TTC13: variants seen among roughly 807,000 people sequenced by gnomAD.
TTC13 encodes the protein tetratricopeptide repeat domain 13, also known as tetratricopeptide repeat protein 13.
Under a neutral mutation model 120.0 loss-of-function variants are expected in TTC13, and 62 were observed. The observed-to-expected ratio is 0.52, with a 90% CI of 0.42 to 0.64. TTC13 has a LOEUF of 0.64. Ranked by LOEUF, TTC13 falls within the 30% of genes least tolerant of loss-of-function variation. The probability of loss-of-function intolerance (pLI) is 0.00; values close to 1 mark genes in which losing one functional copy is unlikely to be tolerated. For missense variants in TTC13, 824 were observed against 1,050.2 expected (o/e 0.78, Z 2.98); for synonymous variants, 384 against 393.5 (o/e 0.98, Z 0.28).
At position 230,916,237 on chromosome 1, in the gene TTC13, T is replaced by G. The variant is rs776597446; in HGVS notation, c.2049A>C (p.Gln683His). The part of the protein sequence containing the change: ...VNTKVPSLKD[Q>H]GKEYDGFTIT... ...TTGTGAATCCATCATATTCCTTCCC[T>G]TGGTCTTTAAGGCTGGGAACTTTTG... is the stretch of plus-strand genomic sequence containing the variant. Residue 683 changes from glutamine (Q) to histidine (H), a missense_variant, in exon 18 of 23, where the codon CAA (glutamine) becomes CAC (histidine). By Grantham distance (24) the Gln-to-His change is conservative. This residue lies in a region of TTC13 where 226 missense variants were observed against 259.1 expected (regional missense o/e 0.87). Transcript: ENST00000366661. 2 of 1,614,054 alleles carry G rather than the reference T, an allele frequency of 1.2e-6. No homozygotes were observed. Among genetic ancestry groups the G allele is most frequent in the African/African-American group, 2.7e-5 (2 of 74,936 alleles).
intron 14 of TTC13, 28 bp downstream of exon 14, chr1:230,924,813 A>C: frequency 6.2e-7 from 1 of 1,613,608 alleles, no homozygotes; most frequent in South Asian, 1.1e-5. Flanking sequence ...TAAGACTTAT[A>C]GTTTATTTTC....
At chr1:230,933,521 C>G (rs1199218755) in intron 9 of TTC13, among the ~76,000 whole-genome samples, 2 of 152,138 alleles carry the variant, frequency 1.3e-5, no homozygotes, top group African/African-American at 4.8e-5. Context: ...TCAAAACAAC[C>G]CTTGAAGGAT....
intron 5 of TTC13, 27 bp downstream of exon 5, chr1:230,945,362 T>G (rs1190937013): frequency 1.2e-6 from 2 of 1,606,306 alleles, no homozygotes; most frequent in African/African-American, 2.7e-5. Flanking sequence ...GTAGGCGCTA[T>G]GGCAATCGTA....
chr1:230,931,231 G>C (rs1351695878), intron 11 of TTC13, 67 bp downstream of exon 11: 12 of 1,536,542 alleles, frequency 7.8e-6, no homozygotes, highest in Non-Finnish European at 9.8e-6. Context: ...ACATAAAAGA[G>C]TCAAGCAATA....
chr1:230,946,899 T>C (rs1675053824), intron 4 of TTC13, among the ~76,000 whole-genome samples: 2 of 152,150 alleles, frequency 1.3e-5, no homozygotes, highest in South Asian at 4.1e-4. Flanking sequence ...GTTATAGACC[T>C]ACAGAAAGAT....
chr1:230,978,821 C>A lies in TTC13; in HGVS notation c.10G>T (p.Ala4Ser), dbSNP rs1463800590. The A allele has an allele frequency of 8.1e-6, 12 of 1,480,574 alleles. No homozygotes were observed. Among genetic ancestry groups the A allele is most frequent in the African/African-American group, 1.5e-5 (1 of 68,198 alleles). The allele number at this position is 1,480,574 out of a possible 1,614,324, so 91.7% of individuals were successfully genotyped here. The change falls in exon 1 of 23, where the codon GCC (alanine) becomes TCC (serine). Residue 4 changes from alanine (A) to serine (S), a missense_variant. Transcript: ENST00000366661. The surrounding 1 kb of genome is among the most constrained non-coding windows in gnomAD (Gnocchi z 5.6). MAP[A>S]GCCCCCCFWG... ...AAGCAGCAGCAGCAGCAGCAGCCGG[C>A]AGGTGCCATCTTCCCTCAAGGCGCA...
chr1:230,952,793 A>T (rs2102930159), intron 4 of TTC13, among the ~76,000 whole-genome samples: 1 of 152,356 alleles, frequency 6.6e-6, no homozygotes. Flanking sequence ...ATATATTCAG[A>T]TTATAAAACA....
chr1:230,912,894 C>A, intron 18 of TTC13, 136 bp from the exon 19 acceptor site: 1 of 768,386 alleles, frequency 1.3e-6, no homozygotes, highest in Non-Finnish European at 2.0e-6. Context: ...ACCTTTCTAA[C>A]TATAGACAAG....
chr1:230,920,356 T>C (rs750103621), intron 17 of TTC13, 154 bp downstream of exon 17: 1 of 501,420 alleles, frequency 2.0e-6, no homozygotes, highest in Non-Finnish European at 3.5e-6. Flanking sequence ...TTGAGTCTGA[T>C]GCCTGTAGGT....
intron 1 of TTC13, among the ~76,000 whole-genome samples, chr1:230,968,665 G>T (rs1026252421): frequency 3.9e-5 from 6 of 152,122 alleles, no homozygotes; most frequent in Admixed American, 2.6e-4. Context: ...CGGTCTAAAG[G>T]ATACAGCAAG....
chr1:230,978,750 C>A lies in TTC13; in HGVS notation c.81G>T (p.Leu27=). 6.7e-7 allele frequency: 1 copy of A among 1,497,580 alleles called. No homozygotes were observed. The highest frequency in any genetic ancestry group is 8.8e-7 in the Non-Finnish European group (1 of 1,132,016). The allele number at this position is 1,497,580 out of a possible 1,614,324, so 92.8% of individuals were successfully genotyped here. The change falls in exon 1 of 23, where the codon CTG becomes CTT. Residue 27 remains leucine (L), a synonymous_variant. Coordinates refer to ENST00000366661, the MANE Select transcript of TTC13 (RefSeq NM_024525.5). The surrounding 1 kb of genome is among the most constrained non-coding windows in gnomAD (Gnocchi z 5.6). ...ACAGGACCCCCAGCAGCAGCAGCAGCAGGACACGCCGGGCGGCGCCCGCGG... is the reference window on the plus strand; with the variant it reads ...ACAGGACCCCCAGCAGCAGCAGCAGAAGGACACGCCGGGCGGCGCCCGCGG... ...VAAAGAARRV[L]LLLLLGVLSA... is the part of the protein sequence containing the mutation.
At chr1:230,956,003 G>A (rs769736858) in intron 3 of TTC13, among the ~76,000 whole-genome samples, 10 of 152,162 alleles carry the variant, frequency 6.6e-5, no homozygotes, top group African/African-American at 9.6e-5. Context: ...GAATCACAGT[G>A]GCTACAGGCA....
intron 18 of TTC13, 151 bp from the exon 19 acceptor site, chr1:230,912,909 G>T (rs1671661467): frequency 2.8e-6 from 2 of 701,962 alleles, no homozygotes; most frequent in Non-Finnish European, 2.3e-6. Context: ...GACAAGCAAG[G>T]TAGGTTTCAT....
chr1:230,920,732 A>G, intron 16 of TTC13, 138 bp from the exon 17 acceptor site: 1 of 496,838 alleles, frequency 2.0e-6, no homozygotes, highest in South Asian at 3.4e-5. Flanking sequence ...CCACAAATAA[A>G]CCTTCCAAAT....
rs145072733 is a variant in TTC13, at chr1:230,959,587, G to A, written c.367-1288C>T. Among the ~76,000 whole-genome samples the A allele has an allele frequency of 1.1e-3, 169 of 152,278 alleles. 3 individuals are homozygous for A. In the East Asian group the frequency reaches 0.028, roughly 25 times the overall value. ...GTAGAGACGGGGTTTCTCCATGTTG[G>A]TGAGGCTGGTCTTGAACTCCTGACC... On this transcript the variant is annotated intron_variant, in intron 2 of 22. Coordinates refer to ENST00000366661, the MANE Select transcript of TTC13 (RefSeq NM_024525.5).
In TTC13 at chr1:230,939,371, G is replaced by A. The variant is rs751660266; in HGVS notation, c.900+15C>T. On this transcript the variant is annotated intron_variant, in intron 8 of 22. Transcript: ENST00000366661. ...CAGAGTCATCATATGGTACACATAT[G>A]CACAACACTTTCACCTTCAGAAGTC... The A allele has an allele frequency of 4.9e-5, 76 of 1,540,816 alleles. No individual in the cohort carries two copies. The highest frequency in any genetic ancestry group is 4.1e-5 in the African/African-American group (3 of 73,524).
At chr1:230,939,600 T>C (rs1334009705) in intron 7 of TTC13, 104 bp from the exon 8 acceptor site, 2 of 651,452 alleles carry the variant, frequency 3.1e-6, no homozygotes, top group African/African-American at 1.8e-5. Flanking sequence ...ATTCATCCTC[T>C]GCCCTTTTTG....
At chr1:230,919,063 A>C (rs1672319097) in intron 17 of TTC13, among the ~76,000 whole-genome samples, 1 of 152,190 alleles carries the variant, frequency 6.6e-6, no homozygotes, top group African/African-American at 2.4e-5. Flanking sequence ...TGTCCCTTTT[A>C]GTGTCCTTCC....
chr1:230,938,493 T>C (rs945340739), intron 8 of TTC13, among the ~76,000 whole-genome samples: 2 of 152,226 alleles, frequency 1.3e-5, no homozygotes, highest in Non-Finnish European at 2.9e-5. Context: ...GCCACGTTTC[T>C]GCCCATACTT....
Sources: gnomAD v4.1 joint callset for allele counts (sites outside exome capture counted in the v4.1 genomes callset) on GRCh38, gnomAD v4.1.1 for gene constraint, gnomAD v4.1.1 regional missense constraint, Gnocchi (gnomAD v3.1) non-coding constraint, MANE v1.5 for transcripts, NCBI Gene and HGNC (gene_info 2026-07-23, HGNC 2026-07-21) for gene names.